The following ACTA2 variants were observed in gnomAD, a reference collection of about 807,000 sequenced individuals.
ACTA2 encodes the protein actin, aortic smooth muscle.
ACTA2 carries 12 observed loss-of-function variants against 39.5 expected under a neutral mutation model. That is an observed-to-expected ratio of 0.30 (90% confidence interval 0.19 to 0.49). The LOEUF (loss-of-function observed/expected upper bound fraction) is 0.49, where lower values mean the gene tolerates loss of function less well. Ranked by LOEUF, ACTA2 falls within the 20% of genes least tolerant of loss-of-function variation. The probability of loss-of-function intolerance (pLI) is 0.99; values close to 1 mark genes in which losing one functional copy is unlikely to be tolerated. For missense variants in ACTA2, 236 were observed against 498.8 expected, an observed-to-expected ratio of 0.47 and a Z score of 5.02; for synonymous variants, 158 against 180.6, an observed-to-expected ratio of 0.88 and a Z score of 1.00.
intron 1 of ACTA2, among the ~76,000 whole-genome samples, chr10:88,979,223 G>C (rs1209651415): frequency 2.0e-5 from 3 of 151,782 alleles, no homozygotes; most frequent in African/African-American, 7.3e-5. Flanking sequence ...CTGGGGAGGA[G>C]AGATAAGGAA....
At chr10:88,970,622 T>A (rs2133321014) in intron 1 of ACTA2, among the ~76,000 whole-genome samples, 1 of 152,254 alleles carries the variant, frequency 6.6e-6, no homozygotes, top group East Asian at 1.9e-4. Context: ...AATTCCCCAT[T>A]TATCCTTACA....
rs1271470317 is a variant in ACTA2, at chr10:88,984,678, T to TTCATGAAACCCA, written c.-24+6260_-24+6261insTGGGTTTCATGA. Among the ~76,000 whole-genome samples, 283 of 152,356 alleles carry TTCATGAAACCCA rather than the reference T, an allele frequency of 1.9e-3. 1 individual carries two copies. Among genetic ancestry groups the TTCATGAAACCCA allele is most frequent in the Admixed American group, 3.8e-3 (58 of 15,302 alleles). On this transcript the variant is annotated intron_variant, in intron 1 of 4. Coordinates refer to the ACTA2 transcript ENST00000415557. ...GAGCCAGGCCTCTCTTGACTTCTTA[T>TTCATGAAACCCA]GTTTAGTTATTCATGAAACCACTGG...
At chr10:88,976,123 C>T (rs1846557331) in intron 1 of ACTA2, among the ~76,000 whole-genome samples, 1 of 152,124 alleles carries the variant, frequency 6.6e-6, no homozygotes, top group African/African-American at 2.4e-5. Context: ...AATCTTTTAG[C>T]TTCCCTGGGC....
intron 1 of ACTA2, among the ~76,000 whole-genome samples, chr10:88,958,166 C>T (rs374060215): frequency 1.3e-4 from 20 of 152,260 alleles, no homozygotes; most frequent in African/African-American, 4.6e-4. Context: ...AATAATATGT[C>T]CAACTATAAT....
At chr10:88,962,910 CCCATATATATATATATAT>C (rs1846250399) in intron 1 of ACTA2, among the ~76,000 whole-genome samples, 7 of 89,508 alleles carry the variant, frequency 7.8e-5, no homozygotes, top group Non-Finnish European at 1.3e-4. Context: ...AGGGGAATGC[CCCATATATATATATATAT>C]ATATATATAT....
intron 1 of ACTA2, among the ~76,000 whole-genome samples, chr10:88,968,328 A>T (rs1846358338): frequency 6.6e-6 from 1 of 152,192 alleles, no homozygotes; most frequent in African/African-American, 2.4e-5. Flanking sequence ...AATACAGGTG[A>T]TTCCTTTCAG....
upstream of ACTA2, among the ~76,000 whole-genome samples, chr10:88,954,996 A>G (rs549756685): frequency 6.7e-6 from 1 of 150,118 alleles, no homozygotes; most frequent in Non-Finnish European, 1.5e-5. Context: ...TGGAACAATT[A>G]GAAAAACAGT....
chr10:88,960,412 C>T (rs765327212), intron 1 of ACTA2, among the ~76,000 whole-genome samples: 6 of 152,102 alleles, frequency 3.9e-5, no homozygotes, highest in Non-Finnish European at 7.4e-5. Flanking sequence ...GAAACCAGAT[C>T]ACTGCTCCTC....
At chr10:88,947,164 C>A in intron 3 of ACTA2, 94 bp downstream of exon 3, 1 of 1,532,916 alleles carries the variant, frequency 6.5e-7, no homozygotes. Context: ...GCAATGTGAG[C>A]CAGTTATTTC....
chr10:88,945,621 G>A (rs1845932200), intron 3 of ACTA2, among the ~76,000 whole-genome samples: 1 of 152,028 alleles, frequency 6.6e-6, no homozygotes, highest in Non-Finnish European at 1.5e-5. Context: ...TTTATTAAGT[G>A]TCTGGGAGAT....
Position 88,990,693 on chromosome 10 carries a change from G to C in ACTA2, c.-24+246C>G. On this transcript the variant is annotated intron_variant, in intron 1 of 4. Transcript: ENST00000415557. The surrounding 1 kb of genome is among the most constrained non-coding windows in gnomAD (Gnocchi z 4.9). ...ACACAGGTGTTCAAAGACGCTTCTG[G>C]GGAGTGAGGGAAGCGGTTTACGAGT... 1 of 723,124 alleles carries C rather than the reference G, an allele frequency of 1.4e-6. No individual in the cohort carries two copies. Among genetic ancestry groups the C allele is most frequent in the Non-Finnish European group, 2.5e-6 (1 of 402,710 alleles). The allele number at this position is 723,124 out of a possible 1,614,324, so 44.8% of individuals were successfully genotyped here.
At position 88,951,993 on chromosome 10, in the gene ACTA2, C is replaced by T. The variant is rs560034321; in HGVS notation, c.-24+738G>A. Among the ~76,000 whole-genome samples the T allele has an allele frequency of 6.6e-5, 10 of 152,308 alleles. No homozygotes were observed. The South Asian group carries it at 2.1e-3, about 32-fold the overall frequency. ...AGGGAGCTTTAAGCTGAGGGAGATGCAAACCAGATATCCGGCCGGGAGGCA... is the reference window on the plus strand; with the variant it reads ...AGGGAGCTTTAAGCTGAGGGAGATGTAAACCAGATATCCGGCCGGGAGGCA... On this transcript the variant is annotated intron_variant, in intron 1 of 8. Coordinates refer to ENST00000224784, the MANE Select transcript of ACTA2 (RefSeq NM_001613.4).
Position 88,948,918 on chromosome 10 carries a change from C to G in ACTA2, c.13G>C (p.Glu5Gln), listed in dbSNP as rs886047453. Residue 5 changes from glutamate (E) to glutamine (Q), a missense_variant, in exon 2 of 9, where the codon GAG becomes CAG. Transcript: ENST00000224784. Reference sequence around the variant, plus strand: ...TCACACACCAAGGCAGTGCTGTCCTCTTCTTCACACATAGCTGGAGCTGCT... The same window carrying G: ...TCACACACCAAGGCAGTGCTGTCCTGTTCTTCACACATAGCTGGAGCTGCT... MCEE[E>Q]DSTALVCDNG... 1.2e-6 allele frequency: 2 copies of G among 1,613,738 alleles called. No individual in the cohort carries two copies. Among genetic ancestry groups the G allele is most frequent in the Non-Finnish European group, 1.7e-6 (2 of 1,179,812 alleles).
In ACTA2 at chr10:88,938,140, C is replaced by G; in HGVS notation, c.911G>C (p.Gly304Ala). ...GGCAATGCCAGGGTACATAGTGGTG[C>G]CCCCTGATAGGACATTGTTAGCATA... ...DLYANNVLSG[G>A]TTMYPGIADR... Residue 304 changes from glycine (G) to alanine (A), a missense_variant, in exon 8 of 9, where the codon GGC (glycine) becomes GCC (alanine). Gly to Ala is a moderately conservative substitution (Grantham distance 60). Coordinates refer to ENST00000224784, the MANE Select transcript of ACTA2 (RefSeq NM_001613.4). 6.2e-7 allele frequency: 1 copy of G among 1,614,006 alleles called. No homozygotes were observed. The highest frequency in any genetic ancestry group is 8.5e-7 in the Non-Finnish European group (1 of 1,179,934).
intron 1 of ACTA2, among the ~76,000 whole-genome samples, chr10:88,967,838 G>C (rs1435807142): frequency 2.0e-5 from 3 of 152,138 alleles, no homozygotes; most frequent in African/African-American, 7.2e-5. Context: ...CAGGAAAATG[G>C]TTGGCAAAGT....
intron 4 of ACTA2, among the ~76,000 whole-genome samples, chr10:88,942,455 G>A (rs949253959): frequency 6.6e-6 from 1 of 152,096 alleles, no homozygotes; most frequent in African/African-American, 2.4e-5. Flanking sequence ...GTAGTTACTG[G>A]GTCAATGCTA....
At chr10:88,961,236 T>A (rs1011260706) in intron 1 of ACTA2, among the ~76,000 whole-genome samples, 1 of 152,172 alleles carries the variant, frequency 6.6e-6, no homozygotes, top group African/African-American at 2.4e-5. Flanking sequence ...AAGTTAAAGT[T>A]TCTAACAACC....
chr10:88,971,049 T>C (rs1474628948), intron 1 of ACTA2, among the ~76,000 whole-genome samples: 2 of 152,236 alleles, frequency 1.3e-5, no homozygotes, highest in Non-Finnish European at 2.9e-5. Flanking sequence ...TCTTCTGTCA[T>C]GATCTACAGA....
chr10:88,957,489 C>A (rs1457122859), upstream of ACTA2, among the ~76,000 whole-genome samples: 1 of 152,108 alleles, frequency 6.6e-6, no homozygotes, highest in African/African-American at 2.4e-5. Context: ...TTGTCAATTG[C>A]ACTTACATTT....
Sources: allele counts gnomAD v4.1 joint callset (sites outside exome capture counted in the v4.1 genomes callset), GRCh38; gene constraint gnomAD v4.1.1; non-coding constraint Gnocchi (gnomAD v3.1); transcripts MANE v1.5; gene names NCBI Gene and HGNC (gene_info 2026-07-23, HGNC 2026-07-21).